Variants in RALB observed in about 807,000 individuals in gnomAD.
The protein encoded by RALB is ras-related protein Ral-B.
A neutral mutation model predicts 21.3 loss-of-function variants in RALB; 16 were observed. The ratio of observed to expected loss-of-function variants is 0.75; its 90% CI spans 0.51 to 1.14. The LOEUF (loss-of-function observed/expected upper bound fraction) is 1.14, where lower values mean the gene tolerates loss of function less well. Among genes scored for constraint, RALB ranks in the 50% most tolerant of loss-of-function variants. RALB has a pLI of 0.00. For missense variants in RALB, 161 were observed against 256.2 expected (o/e 0.63, Z 2.54); for synonymous variants, 93 against 96.1 (o/e 0.97, Z 0.19).
intron 1 of RALB, among the ~76,000 whole-genome samples, chr2:120,276,450 A>G (rs996634660): frequency 1.3e-5 from 2 of 152,068 alleles, no homozygotes; most frequent in African/African-American, 4.8e-5. Context: ...TAAAAATACA[A>G]AAATTAACTA....
chr2:120,254,375 C>G (rs1368574411), intron 1 of RALB, among the ~76,000 whole-genome samples: 2 of 152,224 alleles, frequency 1.3e-5, no homozygotes, highest in African/African-American at 4.8e-5. Context: ...GCTTTCCTTC[C>G]TTGCCCATTC....
In RALB at chr2:120,252,977, C is replaced by T. The variant is rs1689093215; in HGVS notation, c.-51C>T. The T allele has an allele frequency of 1.4e-5, 14 of 984,892 alleles. No individual in the cohort carries two copies. The highest frequency in any genetic ancestry group is 1.8e-5 in the African/African-American group (1 of 57,022). The allele number at this position is 984,892 out of a possible 1,614,324, so 61.0% of individuals were successfully genotyped here. ...GACGGCGGAGGCGGCGGGACTGGTC[C>T]CTGGTAAGGGCGCGGCGCCCGCGGG... is the stretch of plus-strand genomic sequence containing the variant. On this transcript the variant is annotated 5_prime_UTR_variant, in exon 1 of 5. Transcript: ENST00000272519.
intron 1 of RALB, among the ~76,000 whole-genome samples, chr2:120,242,598 C>T (rs1020598162): frequency 2.3e-4 from 35 of 152,028 alleles, no homozygotes; most frequent in African/African-American, 7.2e-4. Context: ...ATTAGCCGGG[C>T]GTGGTGGCAG....
intron 4 of RALB, among the ~76,000 whole-genome samples, chr2:120,291,501 T>TG (rs1018842555): frequency 1.4e-4 from 22 of 152,156 alleles, no homozygotes; most frequent in African/African-American, 4.6e-4. Flanking sequence ...GGTTGTCGCG[T>TG]GGGGGGTCTG....
intron 1 of RALB, among the ~76,000 whole-genome samples, chr2:120,274,890 T>C (rs777121890): frequency 9.9e-5 from 15 of 152,194 alleles, no homozygotes; most frequent in Non-Finnish European, 5.9e-5. Flanking sequence ...TTACTGCCAT[T>C]GACTCTCATG....
chr2:120,289,557 G>A (rs1482522285), intron 3 of RALB, 23 bp from the exon 4 acceptor site: 4 of 1,606,446 alleles, frequency 2.5e-6, no homozygotes, highest in South Asian at 2.2e-5. Context: ...TTTAGCTGCT[G>A]TATTTTTGGT....
At position 120,293,123 on chromosome 2, in the gene RALB, T is replaced by G. The variant is rs774367500; in HGVS notation, c.502-18T>G. On this transcript the variant is annotated intron_variant, in intron 4 of 4. Transcript: ENST00000272519. Reference sequence around the variant, plus strand: ...TCTTTCTTCACTATTCTTTTTACTCTTTACTCCTCACCCCCAGGTGTTCTT... The same window carrying G: ...TCTTTCTTCACTATTCTTTTTACTCGTTACTCCTCACCCCCAGGTGTTCTT... The G allele has an allele frequency of 1.9e-6, 3 of 1,592,790 alleles. No individual in the cohort carries two copies. Among genetic ancestry groups the G allele is most frequent in the South Asian group, 2.3e-5 (2 of 87,062 alleles).
rs1689091670 is a variant in RALB at position 120,252,944 on chromosome 2, C to T, written c.-84C>T. ...CGGGGCGCGTTTAAGAGCTGCGGGC[C>T]GGGTGCGGACGGCGGAGGCGGCGGG... On this transcript the variant is annotated 5_prime_UTR_variant, in exon 1 of 5. Transcript: ENST00000272519. 3.0e-6 allele frequency: 3 copies of T among 985,600 alleles called. No individual in the cohort carries two copies. Among genetic ancestry groups the T allele is most frequent in the Non-Finnish European group, 3.6e-6 (3 of 830,300 alleles). The allele number at this position is 985,600 out of a possible 1,614,324, so 61.1% of individuals were successfully genotyped here. A position where few individuals can be genotyped will look rare whatever the true frequency, so the allele number is the denominator to read the frequency against.
chr2:120,266,731 A>T (rs528322892), intron 1 of RALB, among the ~76,000 whole-genome samples: 2 of 152,150 alleles, frequency 1.3e-5, no homozygotes, highest in East Asian at 1.9e-4. Context: ...ATAAATAAAT[A>T]AAAAGCTTAC....
chr2:120,281,845 T>A (rs1408719430), intron 2 of RALB, among the ~76,000 whole-genome samples: 2 of 151,976 alleles, frequency 1.3e-5, no homozygotes, highest in Non-Finnish European at 2.9e-5. Context: ...GAATTAGGAT[T>A]AGGGAGATAG....
In RALB at chr2:120,294,321, T is replaced by A; in HGVS notation, c.*1061T>A. 1 of 398,860 alleles carries A rather than the reference T, an allele frequency of 2.5e-6. No individual in the cohort carries two copies. The highest frequency in any genetic ancestry group is 3.6e-5 in the East Asian group (1 of 28,088). The allele number at this position is 398,860 out of a possible 1,614,324, so 24.7% of individuals were successfully genotyped here. On this transcript the variant is annotated 3_prime_UTR_variant, in exon 5 of 5. Coordinates refer to ENST00000272519, the MANE Select transcript of RALB (RefSeq NM_002881.3). The stretch of plus-strand genomic sequence containing the variant: ...ATTTAAAATTAGAAGTAGAGAGAGA[T>A]AAGCCATCGCCCCTTTGCCTCTGAG...
chr2:120,251,759 A>G (rs1558944513), upstream of RALB, among the ~76,000 whole-genome samples: 1 of 152,218 alleles, frequency 6.6e-6, no homozygotes, highest in African/African-American at 2.4e-5. Context: ...GAGAATGGTA[A>G]AAACAGAATA....
At chr2:120,280,919 A>G in intron 2 of RALB, 1 of 411,410 alleles carries the variant, frequency 2.4e-6, no homozygotes, top group South Asian at 1.8e-5. Flanking sequence ...TATGTCAGGC[A>G]GTTTAATTAA....
chr2:120,260,315 C>T (rs560979082), intron 1 of RALB, among the ~76,000 whole-genome samples: 1 of 152,360 alleles, frequency 6.6e-6, no homozygotes, highest in Admixed American at 6.5e-5. Flanking sequence ...TGTCACCTCT[C>T]ACTAGTAGTG....
intron 1 of RALB, among the ~76,000 whole-genome samples, chr2:120,242,478 G>A (rs2104563639): frequency 6.6e-6 from 1 of 152,350 alleles, no homozygotes; most frequent in South Asian, 2.1e-4. Context: ...GGGGGCTGAT[G>A]CCTATAATCA....
At chr2:120,287,599 G>A (rs569290769) in intron 3 of RALB, among the ~76,000 whole-genome samples, 261 of 152,344 alleles carry the variant, frequency 1.7e-3, no homozygotes, top group African/African-American at 6.1e-3. Context: ...TAGAAGGGAA[G>A]TGGGCAGGAG....
intron 1 of RALB, among the ~76,000 whole-genome samples, chr2:120,258,121 A>G (rs1227382361): frequency 6.6e-6 from 1 of 152,202 alleles, no homozygotes; most frequent in African/African-American, 2.4e-5. Context: ...TCAACATTCA[A>G]GCCTAATTAT....
rs117098957 is a variant in RALB at position 120,267,753 on chromosome 2, G to A, written c.-47-10865G>A. Among the ~76,000 whole-genome samples the A allele has an allele frequency of 2.4e-4, 36 of 152,244 alleles. 1 individual carries two copies. The East Asian group carries it at 2.7e-3, about 11-fold the overall frequency. ...ATGCCAAAAATTTGGACTTTTATGTGAAATCGTTCTTTAAAAAATGTAAGT... is the reference window on the plus strand; with the variant it reads ...ATGCCAAAAATTTGGACTTTTATGTAAAATCGTTCTTTAAAAAATGTAAGT... On this transcript the variant is annotated intron_variant, in intron 1 of 4. Coordinates refer to ENST00000272519, the MANE Select transcript of RALB (RefSeq NM_002881.3).
chr2:120,285,749 C>A, intron 2 of RALB, 125 bp from the exon 3 acceptor site: 2 of 723,346 alleles, frequency 2.8e-6, no homozygotes, highest in Non-Finnish European at 4.6e-6. Context: ...AGAAGTGTTA[C>A]GTAAAATGTT....
Sources: allele counts gnomAD v4.1 joint callset (sites outside exome capture counted in the v4.1 genomes callset), GRCh38; gene constraint gnomAD v4.1.1; transcripts MANE v1.5; gene names NCBI Gene and HGNC (gene_info 2026-07-23, HGNC 2026-07-21).